The following LSAMP variants were observed in gnomAD, a reference collection of about 807,000 sequenced individuals.
LSAMP encodes limbic system associated membrane protein.
In LSAMP, 7 loss-of-function variants were observed where a neutral mutation model predicts 38.6. The observed-to-expected ratio is 0.18, with a 90% confidence interval of 0.10 to 0.34. LSAMP has a LOEUF of 0.34. Ranked by LOEUF, LSAMP falls within the 10% of genes least tolerant of loss-of-function variation. The pLI is 1.00. For missense variants in LSAMP, 313 were observed against 420.0 expected, an observed-to-expected ratio of 0.75 and a Z score of 2.23; for synonymous variants, 154 against 166.8, an observed-to-expected ratio of 0.92 and a Z score of 0.59.
chr3:116,101,740 G>A (rs1708352462), intron 1 of LSAMP, among the ~76,000 whole-genome samples: 1 of 151,996 alleles, frequency 6.6e-6, no homozygotes, highest in African/African-American at 2.4e-5. Context: ...AGGGGAAACT[G>A]CATAACTCAA....
intron 1 of LSAMP, among the ~76,000 whole-genome samples, chr3:116,104,744 C>T (rs1002079334): frequency 7.9e-5 from 12 of 152,148 alleles, no homozygotes; most frequent in African/African-American, 1.9e-4. Flanking sequence ...ATTTCTCTTA[C>T]GTTACTTCAT....
chr3:116,308,100 C>T (rs1378024695), intron 1 of LSAMP, among the ~76,000 whole-genome samples: 2 of 151,994 alleles, frequency 1.3e-5, no homozygotes, highest in East Asian at 3.9e-4. Context: ...CTTGCTCACG[C>T]TGTTTCTTCT....
intron 3 of LSAMP, among the ~76,000 whole-genome samples, chr3:115,957,759 C>A (rs1424189817): frequency 6.6e-6 from 1 of 152,140 alleles, no homozygotes; most frequent in Non-Finnish European, 1.5e-5. Flanking sequence ...CCATTTTGTA[C>A]CTTTCTTGGA....
intron 2 of LSAMP, among the ~76,000 whole-genome samples, chr3:116,050,754 A>T (rs1320716165): frequency 6.6e-6 from 1 of 152,210 alleles, no homozygotes; most frequent in Non-Finnish European, 1.5e-5. Flanking sequence ...CATATTTCCC[A>T]GTTACTTCTA....
chr3:115,816,883 A>G (rs973218103), intron 6 of LSAMP, among the ~76,000 whole-genome samples: 1 of 152,230 alleles, frequency 6.6e-6, no homozygotes, highest in African/African-American at 2.4e-5. Context: ...TGCAACTTCA[A>G]ATACCTGATG....
chr3:115,970,022 T>C (rs992147036), intron 3 of LSAMP, among the ~76,000 whole-genome samples: 1 of 151,962 alleles, frequency 6.6e-6, no homozygotes, highest in African/African-American at 2.4e-5. Context: ...ATGACAATAC[T>C]TCTGAGAGGT....
rs200758450 is a variant in LSAMP at position 115,805,389 on chromosome 3, ATTTT to A, written c.*4924_*4927del. Reference sequence around the variant, plus strand: ...TTCAGTTTTTATTTATTTTTATTTGATTTTTTTTTCCTTAAGAATCATAGTAAAC... The same window carrying A: ...TTCAGTTTTTATTTATTTTTATTTGATTTTTCCTTAAGAATCATAGTAAAC... On this transcript the variant is annotated 3_prime_UTR_variant, in exon 7 of 7. Coordinates refer to ENST00000490035, the MANE Select transcript of LSAMP (RefSeq NM_002338.5). The A allele has an allele frequency of 6.6e-6, 1 of 151,080 alleles. No individual in the cohort carries two copies. The highest frequency in any genetic ancestry group is 2.1e-4 in the South Asian group (1 of 4,772). 9.4% of individuals were successfully genotyped at this position (151,080 alleles called of 1,614,324 possible).
At chr3:115,911,091 CAAATGTCATGCATCAATTTTTAA>C (rs1937123764) in intron 3 of LSAMP, among the ~76,000 whole-genome samples, 1 of 152,072 alleles carries the variant, frequency 6.6e-6, no homozygotes, top group Admixed American at 6.6e-5. Context: ...TAAATATGTA[CAAATGTCATGCATCAATTTTTAA>C]AAGGAACATG....
chr3:116,004,054 T>A (rs1940079197), intron 3 of LSAMP, among the ~76,000 whole-genome samples: 1 of 152,208 alleles, frequency 6.6e-6, no homozygotes, highest in Non-Finnish European at 1.5e-5. Flanking sequence ...GATTAATGAC[T>A]GCAACTATGT....
At chr3:115,949,825 T>C (rs561267739) in intron 3 of LSAMP, among the ~76,000 whole-genome samples, 5 of 149,222 alleles carry the variant, frequency 3.4e-5, no homozygotes, top group African/African-American at 7.4e-5. Flanking sequence ...CTGATGAACA[T>C]AGACGTAAAA....
Position 116,268,520 on chromosome 3 carries a change from C to T in LSAMP, c.155+176357G>A, listed in dbSNP as rs536516883. Among the ~76,000 whole-genome samples, 10 of 152,174 alleles carry T rather than the reference C, an allele frequency of 6.6e-5. No homozygotes were observed. The South Asian group carries it at 1.2e-3, about 19-fold the overall frequency. On this transcript the variant is annotated intron_variant, in intron 1 of 6. Coordinates refer to ENST00000490035, the MANE Select transcript of LSAMP (RefSeq NM_002338.5). ...GTTTCCAGATGTGAATCTGTAGGCT[C>T]ATGCCATTTCTTTAACATCCTTAGA...
chr3:116,384,797 A>C (rs115556060), intron 1 of LSAMP, among the ~76,000 whole-genome samples: 26 of 152,268 alleles, frequency 1.7e-4, no homozygotes, highest in Non-Finnish European at 3.7e-4. Flanking sequence ...ACATATTTTA[A>C]TAGGTACAAT....
intron 1 of LSAMP, among the ~76,000 whole-genome samples, chr3:116,337,787 A>G (rs932294222): frequency 2.0e-5 from 3 of 152,044 alleles, no homozygotes; most frequent in African/African-American, 7.2e-5. Context: ...GTCCTTCTTC[A>G]ATTCAAGTAT....
At chr3:115,967,023 C>T (rs2107604266) in intron 3 of LSAMP, among the ~76,000 whole-genome samples, 1 of 152,286 alleles carries the variant, frequency 6.6e-6, no homozygotes, top group African/African-American at 2.4e-5. Flanking sequence ...AGGTGCTCCT[C>T]ATTACTTATG....
chr3:116,043,191 A>T (rs1941213390), intron 2 of LSAMP, among the ~76,000 whole-genome samples: 1 of 152,162 alleles, frequency 6.6e-6, no homozygotes, highest in Non-Finnish European at 1.5e-5. Context: ...ATTACTTTTT[A>T]CTTTTTAAAC....
At chr3:116,140,099 T>C (rs1709337454) in intron 1 of LSAMP, among the ~76,000 whole-genome samples, 1 of 152,018 alleles carries the variant, frequency 6.6e-6, no homozygotes, top group Admixed American at 6.6e-5. Context: ...AGAAATGGTC[T>C]TAGGTCCTAT....
chr3:116,172,922 T>C (rs1480999049), intron 1 of LSAMP, among the ~76,000 whole-genome samples: 2 of 151,824 alleles, frequency 1.3e-5, no homozygotes, highest in African/African-American at 4.8e-5. Context: ...CAATGGCTAC[T>C]GGGAAAGAGG....
intron 1 of LSAMP, among the ~76,000 whole-genome samples, chr3:116,314,745 C>A (rs1344561069): frequency 6.6e-6 from 1 of 152,110 alleles, no homozygotes; most frequent in African/African-American, 2.4e-5. Flanking sequence ...ATTAGTGCTG[C>A]TATTTTTAGA....
chr3:115,963,154 G>A (rs1017138282), intron 3 of LSAMP, among the ~76,000 whole-genome samples: 1 of 152,034 alleles, frequency 6.6e-6, no homozygotes, highest in Non-Finnish European at 1.5e-5. Context: ...TCCATGTTTC[G>A]TTGTAACAAG....
Sources: gnomAD v4.1 joint callset for allele counts (sites outside exome capture counted in the v4.1 genomes callset) on GRCh38, gnomAD v4.1.1 for gene constraint, MANE v1.5 for transcripts, NCBI Gene and HGNC (gene_info 2026-07-23, HGNC 2026-07-21) for gene names.